UGGT2: variants seen among roughly 807,000 people sequenced by gnomAD.
UGGT2 encodes UDP-glucose:glycoprotein glucosyltransferase 2.
In UGGT2, 180 loss-of-function variants were observed where a neutral mutation model predicts 192.1. The ratio of observed to expected loss-of-function variants is 0.94; its 90% CI spans 0.83 to 1.06. The LOEUF is 1.06. Among genes scored for constraint, UGGT2 ranks in the 50% least tolerant of loss-of-function variants. UGGT2 has a pLI of 0.00. For synonymous variants in UGGT2, 580 were observed against 591.0 expected (o/e 0.98, Z 0.27); for missense variants, 1,849 against 1,795.7 (o/e 1.03, Z -0.54).
At chr13:96,046,985 T>C (rs1477473534) in intron 1 of UGGT2, among the ~76,000 whole-genome samples, 1 of 152,162 alleles carries the variant, frequency 6.6e-6, no homozygotes, top group Non-Finnish European at 1.5e-5. Context: ...TTGAACTGGG[T>C]GGAGCCCACC....
intron 4 of UGGT2, among the ~76,000 whole-genome samples, chr13:96,016,082 G>A (rs1001837598): frequency 1.3e-5 from 2 of 152,180 alleles, no homozygotes; most frequent in Non-Finnish European, 2.9e-5. Context: ...AAGAAATTTC[G>A]AAGCAGCAAA....
At chr13:95,946,547 T>C (rs968362349) in intron 15 of UGGT2, among the ~76,000 whole-genome samples, 13 of 152,086 alleles carry the variant, frequency 8.5e-5, no homozygotes, top group Non-Finnish European at 1.6e-4. Flanking sequence ...TTTATTTTTT[T>C]TTTGGTAGAG....
At chr13:95,853,684 G>A (rs747939271) in intron 35 of UGGT2, 27 bp from the exon 36 acceptor site, 4 of 1,486,480 alleles carry the variant, frequency 2.7e-6, no homozygotes, top group Admixed American at 2.4e-5. Flanking sequence ...CTTCTTGATA[G>A]CCTATGTTGT....
At chr13:96,004,262 T>C (rs2051900512) in intron 5 of UGGT2, among the ~76,000 whole-genome samples, 1 of 152,148 alleles carries the variant, frequency 6.6e-6, no homozygotes, top group South Asian at 2.1e-4. Context: ...TTATGGGGTA[T>C]ATGTTATAAT....
chr13:95,920,457 C>T (rs1428313601), intron 20 of UGGT2, among the ~76,000 whole-genome samples: 3 of 152,082 alleles, frequency 2.0e-5, no homozygotes, highest in Non-Finnish European at 4.4e-5. Flanking sequence ...ATCCATCTGA[C>T]CAAGGTCTAA....
At chr13:95,909,799 TA>T (rs1172371428) in intron 20 of UGGT2, among the ~76,000 whole-genome samples, 2,292 of 76,132 alleles carry the variant, frequency 0.03, 79 homozygotes, top group African/African-American at 0.11. Flanking sequence ...TCCTGCCCAC[TA>T]AAAAAAAAAA....
intron 15 of UGGT2, among the ~76,000 whole-genome samples, chr13:95,946,352 G>T (rs1364014787): frequency 6.6e-6 from 1 of 152,098 alleles, no homozygotes; most frequent in Non-Finnish European, 1.5e-5. Context: ...ATGTCATTCA[G>T]AATATTTAAC....
intron 4 of UGGT2, 72 bp from the exon 5 acceptor site, chr13:96,013,553 T>G: frequency 9.5e-7 from 1 of 1,048,976 alleles, no homozygotes; most frequent in African/African-American, 1.7e-5. Context: ...GTATAATTAC[T>G]GCTTATCAAA....
intron 24 of UGGT2, 90 bp from the exon 25 acceptor site, chr13:95,891,054 G>T: frequency 1.1e-6 from 1 of 929,110 alleles, no homozygotes; most frequent in Non-Finnish European, 1.6e-6. Flanking sequence ...CTTATAAATT[G>T]TTTTCTTTCT....
chr13:96,007,958 T>A (rs574096559), intron 5 of UGGT2, among the ~76,000 whole-genome samples: 36 of 152,242 alleles, frequency 2.4e-4, no homozygotes, highest in East Asian at 1.9e-3. Context: ...GTCTTTTCAA[T>A]ATGAAAACTG....
In UGGT2 at chr13:96,033,433, C is replaced by T. The variant is rs538097197; in HGVS notation, c.159-1462G>A. Among the ~76,000 whole-genome samples, 10 of 152,192 alleles carry T rather than the reference C, an allele frequency of 6.6e-5. No individual in the cohort carries two copies. The East Asian group carries it at 7.8e-4, about 12-fold the overall frequency. On this transcript the variant is annotated intron_variant, in intron 1 of 38. Transcript: ENST00000376747. ...CTCCCCAGGTGCAGCTGTCCGGACC[C>T]GGACATCCCTGTGCTTTTGGGGGCT... is the stretch of plus-strand genomic sequence containing the variant.
intron 5 of UGGT2, among the ~76,000 whole-genome samples, chr13:96,000,946 A>T (rs1023209189): frequency 1.9e-4 from 29 of 152,226 alleles, no homozygotes; most frequent in Middle Eastern, 3.2e-3. Flanking sequence ...TATTTTTATT[A>T]GAATTACATG....
At chr13:95,959,676 G>T (rs2050326461) in intron 12 of UGGT2, among the ~76,000 whole-genome samples, 1 of 152,150 alleles carries the variant, frequency 6.6e-6, no homozygotes, top group African/African-American at 2.4e-5. Flanking sequence ...CACTGGCATG[G>T]ACCCTTAGGT....
chr13:96,033,405 G>A (rs1448812084), intron 1 of UGGT2, among the ~76,000 whole-genome samples: 6 of 152,062 alleles, frequency 3.9e-5, no homozygotes, highest in South Asian at 4.2e-4. Flanking sequence ...TGGAGGGCCC[G>A]CACTCCCCAG....
chr13:96,014,776 T>C (rs1339448173), intron 4 of UGGT2, among the ~76,000 whole-genome samples: 1 of 152,198 alleles, frequency 6.6e-6, no homozygotes, highest in Non-Finnish European at 1.5e-5. Flanking sequence ...AAAGAGATTC[T>C]TGCATGAAAC....
At chr13:95,863,504 T>C in intron 31 of UGGT2, 125 bp downstream of exon 31, 1 of 694,380 alleles carries the variant, frequency 1.4e-6, no homozygotes, top group Non-Finnish European at 2.5e-6. Context: ...CATTTATGTA[T>C]TTATCTTATC....
chr13:95,879,913 T>G (rs944671622), intron 27 of UGGT2, among the ~76,000 whole-genome samples: 1 of 152,172 alleles, frequency 6.6e-6, no homozygotes, highest in Admixed American at 6.6e-5. Flanking sequence ...TTATTATACT[T>G]TAAATTCTGG....
chr13:95,984,875 G>A (rs1293816423), intron 9 of UGGT2: 1 of 152,702 alleles, frequency 6.5e-6, no homozygotes, highest in Admixed American at 6.5e-5. Flanking sequence ...CTAAAGTTTG[G>A]CAGCATTGTG....
chr13:95,826,635 T>C (rs914133630), intron 38 of UGGT2, among the ~76,000 whole-genome samples: 1 of 151,996 alleles, frequency 6.6e-6, no homozygotes, highest in Non-Finnish European at 1.5e-5. Flanking sequence ...AAGAAAAGCT[T>C]AAACTATATA....
Sources: gnomAD v4.1 joint callset for allele counts (sites outside exome capture counted in the v4.1 genomes callset) on GRCh38, gnomAD v4.1.1 for gene constraint, MANE v1.5 for transcripts, NCBI Gene and HGNC (gene_info 2026-07-23, HGNC 2026-07-21) for gene names.